SGCG: variants seen among roughly 807,000 people sequenced by gnomAD.
SGCG encodes the protein sarcoglycan gamma.
SGCG carries 26 observed loss-of-function variants against 29.3 expected under a neutral mutation model. That is an observed-to-expected ratio of 0.89 (90% CI 0.65 to 1.23). The LOEUF (loss-of-function observed/expected upper bound fraction) is 1.23, where lower values mean the gene tolerates loss of function less well. SGCG is among the 50% of genes most tolerant of loss of function. The pLI is 0.00. For synonymous variants in SGCG, 145 were observed against 129.7 expected (o/e 1.12, Z -0.80); for missense variants, 353 against 356.0 (o/e 0.99, Z 0.07).
chr13:23,183,131 C>T (rs1876811010), intron 1 of SGCG, among the ~76,000 whole-genome samples: 1 of 152,198 alleles, frequency 6.6e-6, no homozygotes, highest in Admixed American at 6.5e-5. Flanking sequence ...ATTTCTATGT[C>T]TCAGTTTCTT....
At chr13:23,177,745 T>C (rs956203915), upstream of SGCG, among the ~76,000 whole-genome samples, 6 of 151,602 alleles carry the variant, frequency 4.0e-5, no homozygotes, top group East Asian at 1.9e-4. Flanking sequence ...CTATTTTTTT[T>C]TTTCTGTATT....
At chr13:23,164,389 A>G in the SGCG span, among the ~76,000 whole-genome samples, 1 of 152,162 alleles carries the variant, frequency 6.6e-6, no homozygotes. Flanking sequence ...GTTTCATTTC[A>G]TGTCACTTTC....
chr13:23,201,728 A>T (rs1030566005), intron 1 of SGCG, among the ~76,000 whole-genome samples: 8 of 152,202 alleles, frequency 5.3e-5, no homozygotes, highest in Non-Finnish European at 8.8e-5. Flanking sequence ...TATATATAGG[A>T]CTGGGAATAT....
At chr13:23,250,767 G>A in intron 4 of SGCG, 50 bp downstream of exon 4, 5 of 1,029,222 alleles carry the variant, frequency 4.9e-6, no homozygotes, top group Non-Finnish European at 7.7e-6. Context: ...TCCATGAATA[G>A]TGCTAAATGA....
At chr13:23,284,353 G>A (rs1364744099) in intron 5 of SGCG, among the ~76,000 whole-genome samples, 2 of 151,758 alleles carry the variant, frequency 1.3e-5, no homozygotes, top group South Asian at 2.1e-4. Flanking sequence ...ATTTGATTAA[G>A]TTGATCTTCA....
At chr13:23,324,148 C>T (rs1212858209) in intron 7 of SGCG, among the ~76,000 whole-genome samples, 3 of 152,186 alleles carry the variant, frequency 2.0e-5, no homozygotes, top group Non-Finnish European at 2.9e-5. Flanking sequence ...AAAGCGCCTC[C>T]CTCCAATGTG....
At chr13:23,204,794 C>G (rs1167223358) in intron 2 of SGCG, among the ~76,000 whole-genome samples, 1 of 151,018 alleles carries the variant, frequency 6.6e-6, no homozygotes, top group Non-Finnish European at 1.5e-5. Flanking sequence ...CAACCTCCAC[C>G]TCTGCACAGG....
At chr13:23,197,956 A>C (rs1877576665) in intron 1 of SGCG, among the ~76,000 whole-genome samples, 1 of 152,232 alleles carries the variant, frequency 6.6e-6, no homozygotes, top group African/African-American at 2.4e-5. Flanking sequence ...CAATGGAAAA[A>C]AAAAGACGTA....
intron 2 of SGCG, among the ~76,000 whole-genome samples, chr13:23,227,376 T>C (rs1394174150): frequency 6.6e-6 from 1 of 150,900 alleles, no homozygotes; most frequent in Non-Finnish European, 1.5e-5. Context: ...GGAACAACTA[T>C]AACTCTCCTA....
intron 2 of SGCG, among the ~76,000 whole-genome samples, chr13:23,220,434 G>C (rs969288901): frequency 2.0e-4 from 31 of 152,084 alleles, no homozygotes; most frequent in Non-Finnish European, 3.5e-4. Flanking sequence ...TGGGCAACGA[G>C]CGAAACTCCA....
intron 1 of SGCG, among the ~76,000 whole-genome samples, chr13:23,201,008 G>T (rs1210628365): frequency 6.6e-6 from 1 of 151,916 alleles, no homozygotes; most frequent in Non-Finnish European, 1.5e-5. Context: ...GGGAAGGTTT[G>T]TTGCAGAGGT....
chr13:23,227,372 A>G (rs1878942256), intron 2 of SGCG, among the ~76,000 whole-genome samples: 1 of 152,080 alleles, frequency 6.6e-6, no homozygotes, highest in Non-Finnish European at 1.5e-5. Context: ...ATGCGGAACA[A>G]CTATAACTCT....
chr13:23,260,076 T>C (rs1880365182), intron 4 of SGCG, among the ~76,000 whole-genome samples: 1 of 152,216 alleles, frequency 6.6e-6, no homozygotes, highest in Non-Finnish European at 1.5e-5. Flanking sequence ...GCTACAGAGC[T>C]GAGTTCAAGT....
intron 7 of SGCG, among the ~76,000 whole-genome samples, chr13:23,322,340 C>T (rs1256651582): frequency 1.3e-5 from 2 of 152,186 alleles, no homozygotes; most frequent in Non-Finnish European, 2.9e-5. Flanking sequence ...CCAGTAGCAG[C>T]GAGCTGGACT....
At chr13:23,199,735 G>A (rs1335734176) in intron 1 of SGCG, among the ~76,000 whole-genome samples, 1 of 141,020 alleles carries the variant, frequency 7.1e-6, no homozygotes, top group African/African-American at 2.5e-5. Context: ...AATTACAGCT[G>A]GCAAACTTAA....
chr13:23,252,420 G>C (rs1046235403), intron 4 of SGCG, among the ~76,000 whole-genome samples: 1 of 152,112 alleles, frequency 6.6e-6, no homozygotes, highest in South Asian at 2.1e-4. Context: ...GGCCGGGCAC[G>C]GTGGCTCACG....
At chr13:23,180,604 T>A (rs1001108058), upstream of SGCG, among the ~76,000 whole-genome samples, 3 of 152,252 alleles carry the variant, frequency 2.0e-5, no homozygotes, top group African/African-American at 7.2e-5. Context: ...TTCGTAAAAT[T>A]TTATCAACAT....
chr13:23,237,799 T>TA (rs35050714), intron 3 of SGCG, among the ~76,000 whole-genome samples: 24 of 143,208 alleles, frequency 1.7e-4, no homozygotes, highest in Middle Eastern at 3.5e-3. Context: ...AATCTTCATC[T>TA]AAAAAAAAAA....
At chr13:23,250,517 A>T in intron 3 of SGCG, 113 bp from the exon 4 acceptor site, 1 of 687,500 alleles carries the variant, frequency 1.5e-6, no homozygotes, top group Non-Finnish European at 2.6e-6. Context: ...GATTTCCAGG[A>T]TCTGTAACAA....
Sources: allele counts gnomAD v4.1 joint callset (sites outside exome capture counted in the v4.1 genomes callset), GRCh38; gene constraint gnomAD v4.1.1; transcripts MANE v1.5; gene names NCBI Gene and HGNC (gene_info 2026-07-23, HGNC 2026-07-21).